The following FREM2 variants were observed in gnomAD, a reference collection of about 807,000 sequenced individuals.
FREM2 encodes FRAS1 related extracellular matrix 2.
FREM2 carries 119 observed loss-of-function variants against 219.9 expected under a neutral mutation model. The ratio of observed to expected loss-of-function variants is 0.54; its 90% CI spans 0.47 to 0.63. FREM2 has a LOEUF of 0.63. FREM2 is among the 30% of genes least tolerant of loss of function. FREM2 has a pLI of 0.00. For missense variants in FREM2, 4,030 were observed against 3,993.6 expected, an observed-to-expected ratio of 1.01 and a Z score of -0.25; for synonymous variants, 1,562 against 1,522.8, an observed-to-expected ratio of 1.03 and a Z score of -0.60.
chr13:38,730,416 A>G (rs542829880), intron 2 of FREM2, among the ~76,000 whole-genome samples: 2 of 152,360 alleles, frequency 1.3e-5, no homozygotes, highest in East Asian at 3.9e-4. Context: ...AGGGAAGGCG[A>G]ACATGGCACC....
intron 6 of FREM2, among the ~76,000 whole-genome samples, chr13:38,799,161 T>C (rs1874911362): frequency 6.6e-6 from 1 of 152,002 alleles, no homozygotes; most frequent in African/African-American, 2.4e-5. Context: ...TCACACAATT[T>C]ATGTATTTTC....
chr13:38,823,664 G>C (rs1188603912), intron 6 of FREM2, among the ~76,000 whole-genome samples: 1 of 151,892 alleles, frequency 6.6e-6, no homozygotes, highest in Non-Finnish European at 1.5e-5. Context: ...AAATTCAGCT[G>C]CCAATAATTA....
At chr13:38,813,034 TAC>T (rs1412610360) in intron 6 of FREM2, among the ~76,000 whole-genome samples, 4 of 152,138 alleles carry the variant, frequency 2.6e-5, no homozygotes, top group Non-Finnish European at 5.9e-5. Context: ...TTTTAAAAGT[TAC>T]AGTTATTATT....
At chr13:38,746,698 C>T (rs1221252389) in intron 2 of FREM2, among the ~76,000 whole-genome samples, 1 of 152,116 alleles carries the variant, frequency 6.6e-6, no homozygotes. Flanking sequence ...CGCTCTATAC[C>T]TGACCAATGG....
intron 2 of FREM2, among the ~76,000 whole-genome samples, chr13:38,746,008 T>C (rs774515024): frequency 1.3e-5 from 2 of 152,198 alleles, no homozygotes; most frequent in Non-Finnish European, 2.9e-5. Flanking sequence ...CATTTCTTAC[T>C]TTTATGATTT....
intron 16 of FREM2, among the ~76,000 whole-genome samples, chr13:38,870,290 G>T (rs1421020108): frequency 1.3e-5 from 2 of 152,122 alleles, no homozygotes; most frequent in African/African-American, 4.8e-5. Flanking sequence ...GTGTGTAGCA[G>T]AATAAATTTG....
At chr13:38,766,141 A>G (rs1003823794) in intron 3 of FREM2, among the ~76,000 whole-genome samples, 1 of 152,234 alleles carries the variant, frequency 6.6e-6, no homozygotes, top group Non-Finnish European at 1.5e-5. Flanking sequence ...TTCACTCACA[A>G]CAGGCCCCTG....
At chr13:38,731,939 A>G (rs1871783216) in intron 2 of FREM2, among the ~76,000 whole-genome samples, 1 of 152,240 alleles carries the variant, frequency 6.6e-6, no homozygotes, top group Non-Finnish European at 1.5e-5. Flanking sequence ...AATGAACAGC[A>G]TTTGATACCT....
Position 38,687,293 on chromosome 13 carries a change from A to T in FREM2, c.-52A>T, listed in dbSNP as rs1869495034. 1 of 1,557,246 alleles carries T rather than the reference A, an allele frequency of 6.4e-7. No homozygotes were observed. Among genetic ancestry groups the T allele is most frequent in the Non-Finnish European group, 8.7e-7 (1 of 1,150,550 alleles). Reference sequence around the variant, plus strand: ...GGTGTCTCTTGTTGTCTGCCCGGGGACCGACTTCGCATGCTCTCAGGCTGA... The same window carrying T: ...GGTGTCTCTTGTTGTCTGCCCGGGGTCCGACTTCGCATGCTCTCAGGCTGA... On this transcript the variant is annotated 5_prime_UTR_variant, in exon 1 of 24. Coordinates refer to ENST00000280481, the MANE Select transcript of FREM2 (RefSeq NM_207361.6).
chr13:38,854,675 G>A (rs1159389374), intron 11 of FREM2, among the ~76,000 whole-genome samples: 2 of 152,130 alleles, frequency 1.3e-5, no homozygotes, highest in Non-Finnish European at 2.9e-5. Context: ...ATCTGAGACT[G>A]ATGGGCTCAT....
intron 6 of FREM2, among the ~76,000 whole-genome samples, chr13:38,828,619 G>A (rs1876385835): frequency 6.6e-6 from 1 of 151,998 alleles, no homozygotes; most frequent in Non-Finnish European, 1.5e-5. Flanking sequence ...GCTGAGGCAG[G>A]AGGATCACTT....
intron 4 of FREM2, among the ~76,000 whole-genome samples, chr13:38,777,632 T>C (rs1388758048): frequency 6.6e-6 from 1 of 152,232 alleles, no homozygotes; most frequent in African/African-American, 2.4e-5. Context: ...GCCTACTAGC[T>C]AAGAATTTTT....
intron 2 of FREM2, among the ~76,000 whole-genome samples, chr13:38,750,863 T>C (rs943312894): frequency 2.0e-5 from 3 of 152,176 alleles, no homozygotes; most frequent in Admixed American, 6.5e-5. Flanking sequence ...CAACTGATTT[T>C]TGTACTTTTT....
At chr13:38,857,625 G>A (rs1034009642) in intron 12 of FREM2, among the ~76,000 whole-genome samples, 5 of 152,158 alleles carry the variant, frequency 3.3e-5, no homozygotes, top group African/African-American at 1.2e-4. Context: ...CTCATGGGCC[G>A]CTGGCCAACC....
chr13:38,846,858 C>A (rs2137907120), intron 7 of FREM2, 136 bp downstream of exon 7: 1 of 946,660 alleles, frequency 1.1e-6, no homozygotes, highest in Non-Finnish European at 1.7e-6. Context: ...GAAATTATTA[C>A]TCTAGGAGGT....
intron 2 of FREM2, among the ~76,000 whole-genome samples, chr13:38,754,802 CA>C (rs1555265257): frequency 1.3e-5 from 2 of 151,636 alleles, no homozygotes; most frequent in Non-Finnish European, 2.9e-5. Context: ...TTTGATTGTC[CA>C]ATGCCTATAT....
intron 6 of FREM2, among the ~76,000 whole-genome samples, chr13:38,817,601 C>T (rs112132899): frequency 6.6e-6 from 1 of 151,872 alleles, no homozygotes; most frequent in Non-Finnish European, 1.5e-5. Context: ...AAATCTGAAG[C>T]TAACAGAAGA....
rs1869782439 is a variant in FREM2 at position 38,690,465 on chromosome 13, C to G, written c.3121C>G (p.Gln1041Glu). Residue 1041 changes from glutamine (Q) to glutamate (E), a missense_variant, in exon 1 of 24, where the codon CAA becomes GAA. Transcript: ENST00000280481. ...SFNLSLSDMS[Q>E]EWRIGGNTIQ... The stretch of plus-strand genomic sequence containing the variant: ...TAACCTGAGTCTGTCAGATATGTCT[C>G]AAGAATGGAGAATTGGTGGCAATAC... 1 of 1,614,162 alleles carries G rather than the reference C, an allele frequency of 6.2e-7. No individual in the cohort carries two copies. Among genetic ancestry groups the G allele is most frequent in the Non-Finnish European group, 8.5e-7 (1 of 1,180,034 alleles).
intron 6 of FREM2, among the ~76,000 whole-genome samples, chr13:38,845,824 C>A (rs1191129486): frequency 6.6e-6 from 1 of 152,096 alleles, no homozygotes; most frequent in Non-Finnish European, 1.5e-5. Context: ...TAGATCAATT[C>A]AAGTTTATCA....
Sources: gnomAD v4.1 joint callset for allele counts (sites outside exome capture counted in the v4.1 genomes callset) on GRCh38, gnomAD v4.1.1 for gene constraint, MANE v1.5 for transcripts, NCBI Gene and HGNC (gene_info 2026-07-23, HGNC 2026-07-21) for gene names.